LRRTM4: variants seen among roughly 807,000 people sequenced by gnomAD.
LRRTM4 encodes leucine rich repeat transmembrane neuronal 4.
A neutral mutation model predicts 47.6 loss-of-function variants in LRRTM4; 25 were observed. That is an observed-to-expected ratio of 0.53 (90% CI 0.38 to 0.73). LRRTM4 has a LOEUF of 0.73. Ranked by LOEUF, LRRTM4 falls within the 30% of genes least tolerant of loss-of-function variation. The probability of loss-of-function intolerance (pLI) is 0.00; values close to 1 mark genes in which losing one functional copy is unlikely to be tolerated. For missense variants in LRRTM4, 638 were observed against 713.4 expected, an observed-to-expected ratio of 0.89 and a Z score of 1.20; for synonymous variants, 311 against 269.5, an observed-to-expected ratio of 1.15 and a Z score of -1.51.
At chr2:77,422,488 A>C (rs1018457614) in intron 3 of LRRTM4, among the ~76,000 whole-genome samples, 3 of 152,230 alleles carry the variant, frequency 2.0e-5, no homozygotes, top group South Asian at 2.1e-4. Flanking sequence ...TTTTTCAAGA[A>C]GTAAATTGCA....
Position 76,748,770 on chromosome 2 carries a change from GC to G in LRRTM4, c.1697del (p.Gly566AlafsTer20), listed in dbSNP as rs762039174. Reference sequence around the variant, plus strand: ...TGGTGGCGATGAAGCTGTGGTCTCGGCCCAGCTCCAGGCCGGGGCTTTCGTC... The same window carrying G: ...TGGTGGCGATGAAGCTGTGGTCTCGGCCAGCTCCAGGCCGGGGCTTTCGTC... ...EQDESPGLEL[G>X]RDHSFIATIA... On this transcript the variant is annotated frameshift_variant, in exon 4 of 4. Coordinates refer to ENST00000409884, the MANE Select transcript of LRRTM4 (RefSeq NM_001134745.3). LOFTEE classifies it high-confidence loss of function. 1 of 1,613,992 alleles carries G rather than the reference GC, an allele frequency of 6.2e-7. No individual in the cohort carries two copies. Among genetic ancestry groups the G allele is most frequent in the Non-Finnish European group, 8.5e-7 (1 of 1,179,898 alleles).
chr2:76,777,269 A>G (rs1368110933), intron 3 of LRRTM4, among the ~76,000 whole-genome samples: 1 of 147,268 alleles, frequency 6.8e-6, no homozygotes, highest in Non-Finnish European at 1.5e-5. Context: ...TATGAACTTT[A>G]AAGTAGTTTT....
rs115486039 is a variant in LRRTM4, at chr2:76,754,956, T to G, written c.1552-6040A>C. 3.9e-3 allele frequency among the ~76,000 whole-genome samples: 594 copies of G among 152,288 alleles called. 1 individual carries two copies. Among genetic ancestry groups the G allele is most frequent in the Non-Finnish European group, 7.0e-3 (474 of 68,014 alleles). On this transcript the variant is annotated intron_variant, in intron 3 of 3. Transcript: ENST00000409884. ...AAGTCCGCAAAAGACCCTAGATATG[T>G]AGAATTGCTCAGCTAAGCCTAGCTC... is the stretch of plus-strand genomic sequence containing the variant.
chr2:76,916,291 A>C (rs1187884473), intron 3 of LRRTM4, among the ~76,000 whole-genome samples: 1 of 148,462 alleles, frequency 6.7e-6, no homozygotes, highest in Non-Finnish European at 1.5e-5. Flanking sequence ...AGGCTAAGGC[A>C]GGAGAATGGC....
chr2:77,364,504 G>C (rs1573315659), intron 3 of LRRTM4, among the ~76,000 whole-genome samples: 1 of 152,076 alleles, frequency 6.6e-6, no homozygotes, highest in Non-Finnish European at 1.5e-5. Context: ...TAACAGCCTA[G>C]CAGCCATAAT....
chr2:77,392,542 C>G (rs1003673623), intron 3 of LRRTM4, among the ~76,000 whole-genome samples: 2 of 151,970 alleles, frequency 1.3e-5, no homozygotes, highest in African/African-American at 4.8e-5. Context: ...CAAAAGAAGC[C>G]AGACAGAAGT....
At chr2:77,288,931 A>G (rs1400224058) in intron 3 of LRRTM4, among the ~76,000 whole-genome samples, 3 of 119,500 alleles carry the variant, frequency 2.5e-5, no homozygotes, top group South Asian at 5.9e-4. Context: ...AAACACTGGG[A>G]AAAAAAATTC....
rs553586167 is a variant in LRRTM4, at chr2:77,516,293, G to A, written c.1551+2025C>T. On this transcript the variant is annotated intron_variant, in intron 3 of 3. Transcript: ENST00000409884. Reference sequence around the variant, plus strand: ...TCAAAATGTGTTTATTTAAACACACGTTTTAATTAAATGAACCATCTTTTA... The same window carrying A: ...TCAAAATGTGTTTATTTAAACACACATTTTAATTAAATGAACCATCTTTTA... Among the ~76,000 whole-genome samples the A allele has an allele frequency of 1.9e-4, 29 of 151,760 alleles. No homozygotes were observed. In the East Asian group the frequency reaches 3.9e-3, roughly 20 times the overall value.
At chr2:76,945,032 A>T (rs2103871943) in intron 3 of LRRTM4, among the ~76,000 whole-genome samples, 1 of 152,202 alleles carries the variant, frequency 6.6e-6, no homozygotes, top group South Asian at 2.1e-4. Context: ...TGGGACCCGA[A>T]TCTGAGGATT....
intron 3 of LRRTM4, among the ~76,000 whole-genome samples, chr2:77,317,036 A>C (rs1041900289): frequency 6.6e-6 from 1 of 152,242 alleles, no homozygotes; most frequent in African/African-American, 2.4e-5. Flanking sequence ...CATAGAAAAC[A>C]AATAAATGAT....
Position 77,056,910 on chromosome 2 carries a change from C to A in LRRTM4, c.1552-307994G>T, listed in dbSNP as rs551052876. Among the ~76,000 whole-genome samples, 7 of 151,988 alleles carry A rather than the reference C, an allele frequency of 4.6e-5. No individual in the cohort carries two copies. In the East Asian group the frequency reaches 1.3e-3, roughly 29 times the overall value. ...GCTTATAGCCCAAGATTTTTTCATA[C>A]AGACAAACTATAGTTCATATAATAT... is the stretch of plus-strand genomic sequence containing the variant. On this transcript the variant is annotated intron_variant, in intron 3 of 3. Transcript: ENST00000409884.
At position 77,521,837 on chromosome 2, in the gene LRRTM4, CAAAA is replaced by C. The variant is rs5832290; in HGVS notation, c.-147-23_-147-20del. The C allele has an allele frequency of 0.023, 3,581 of 155,650 alleles. 90 individuals carry two copies. The highest frequency in any genetic ancestry group is 0.11 in the African/African-American group (2,574 of 22,410). 9.6% of individuals were successfully genotyped at this position (155,650 alleles called of 1,614,324 possible). A position where few individuals can be genotyped will look rare whatever the true frequency, so the allele number is the denominator to read the frequency against. On this transcript the variant is annotated intron_variant, in intron 1 of 3. Coordinates refer to ENST00000409884, the MANE Select transcript of LRRTM4 (RefSeq NM_001134745.3). ...ATACAAACTTCCCCGAGAGGACAGG[CAAAA>C]AAAAAAAAAAAAAATACATATATAT...
chr2:76,808,259 C>T (rs1455916162), intron 3 of LRRTM4, among the ~76,000 whole-genome samples: 1 of 152,096 alleles, frequency 6.6e-6, no homozygotes, highest in East Asian at 1.9e-4. Flanking sequence ...ACTTCGTGAT[C>T]CGCCTGCCTT....
chr2:76,954,566 G>A (rs1487830846), intron 3 of LRRTM4, among the ~76,000 whole-genome samples: 5 of 151,548 alleles, frequency 3.3e-5, no homozygotes, highest in Non-Finnish European at 5.9e-5. Flanking sequence ...ACCATCAAAT[G>A]AACAAATACG....
At chr2:77,056,697 G>A (rs1397410501) in intron 3 of LRRTM4, among the ~76,000 whole-genome samples, 1 of 152,162 alleles carries the variant, frequency 6.6e-6, no homozygotes, top group Non-Finnish European at 1.5e-5. Context: ...GTATGTACCT[G>A]GGTATATTCT....
At chr2:77,238,592 A>G (rs1675174557) in intron 3 of LRRTM4, among the ~76,000 whole-genome samples, 1 of 152,120 alleles carries the variant, frequency 6.6e-6, no homozygotes, top group South Asian at 2.1e-4. Context: ...GTGGGTAAAC[A>G]GCACGCCGAG....
At chr2:77,214,027 G>A (rs1674368825) in intron 3 of LRRTM4, among the ~76,000 whole-genome samples, 1 of 151,986 alleles carries the variant, frequency 6.6e-6, no homozygotes, top group Non-Finnish European at 1.5e-5. Flanking sequence ...GGGACTCACA[G>A]TTCTCCTGTG....
chr2:76,915,762 A>C (rs975588184), intron 3 of LRRTM4, among the ~76,000 whole-genome samples: 1 of 147,888 alleles, frequency 6.8e-6, no homozygotes, highest in African/African-American at 2.4e-5. Flanking sequence ...TTTCAAATAA[A>C]GAAACATTTT....
intron 3 of LRRTM4, among the ~76,000 whole-genome samples, chr2:77,414,129 T>G (rs2103865983): frequency 6.6e-6 from 1 of 152,294 alleles, no homozygotes; most frequent in South Asian, 2.1e-4. Flanking sequence ...TATCCTTCTG[T>G]TTCCTTTCTT....
Sources: gnomAD v4.1 joint callset for allele counts (sites outside exome capture counted in the v4.1 genomes callset) on GRCh38, gnomAD v4.1.1 for gene constraint, MANE v1.5 for transcripts, NCBI Gene and HGNC (gene_info 2026-07-23, HGNC 2026-07-21) for gene names.